CCBE1: variants seen among roughly 807,000 people sequenced by gnomAD.
CCBE1 encodes collagen and calcium-binding EGF domain-containing protein 1.
In CCBE1, 37 loss-of-function variants were observed where a neutral mutation model predicts 50.0. The observed-to-expected ratio is 0.74, with a 90% CI of 0.57 to 0.97. CCBE1 has a LOEUF of 0.97. Among genes scored for constraint, CCBE1 ranks in the 50% least tolerant of loss-of-function variants. The pLI is 0.00. For synonymous variants in CCBE1, 234 were observed against 203.7 expected (o/e 1.15, Z -1.27); for missense variants, 538 against 523.8 (o/e 1.03, Z -0.26).
intron 2 of CCBE1, among the ~76,000 whole-genome samples, chr18:59,687,033 G>A (rs2054664064): frequency 1.3e-5 from 2 of 152,192 alleles, no homozygotes; most frequent in Non-Finnish European, 2.9e-5. Context: ...GTCTAAGTGG[G>A]TTCCCAGGAA....
chr18:59,636,873 T>C (rs1265548091), intron 2 of CCBE1, among the ~76,000 whole-genome samples: 4 of 152,232 alleles, frequency 2.6e-5, no homozygotes, highest in East Asian at 1.9e-4. Context: ...ATTAAAATAC[T>C]GGATGACGAT....
intron 2 of CCBE1, among the ~76,000 whole-genome samples, chr18:59,669,197 G>T (rs905084704): frequency 2.6e-5 from 4 of 152,036 alleles, no homozygotes; most frequent in African/African-American, 9.7e-5. Flanking sequence ...TTCCAATATG[G>T]TATCACCAGT....
chr18:59,540,932 A>C (rs577345966), intron 2 of CCBE1, among the ~76,000 whole-genome samples: 21 of 152,338 alleles, frequency 1.4e-4, no homozygotes, highest in African/African-American at 5.1e-4. Flanking sequence ...CTTTAGAAGA[A>C]AGTAGTTGGG....
At chr18:59,691,181 T>G (rs1027028144) in intron 2 of CCBE1, among the ~76,000 whole-genome samples, 2 of 152,234 alleles carry the variant, frequency 1.3e-5, no homozygotes, top group Non-Finnish European at 2.9e-5. Context: ...TCAGCAAATA[T>G]GTATTGAACA....
intron 2 of CCBE1, among the ~76,000 whole-genome samples, chr18:59,666,451 G>A (rs1447260109): frequency 6.6e-6 from 1 of 152,126 alleles, no homozygotes; most frequent in Non-Finnish European, 1.5e-5. Flanking sequence ...AGGAGCAAAT[G>A]ACATTCTACA....
chr18:59,505,790 G>C (rs1913843994), intron 2 of CCBE1, among the ~76,000 whole-genome samples: 1 of 152,210 alleles, frequency 6.6e-6, no homozygotes, highest in South Asian at 2.1e-4. Context: ...GATAAGATAA[G>C]TTCATGCTTA....
chr18:59,531,491 T>C lies in CCBE1; in HGVS notation c.213-51253A>G, dbSNP rs372878233. Among the ~76,000 whole-genome samples, 8 of 152,298 alleles carry C rather than the reference T, an allele frequency of 5.3e-5. No homozygotes were observed. The South Asian group carries it at 6.2e-4, about 12-fold the overall frequency. ...AAAATTATGAGACACCTACTATGAA[T>C]TTCAGAAGCACTTTGGGAGGCTGAG... is the stretch of plus-strand genomic sequence containing the variant. On this transcript the variant is annotated intron_variant, in intron 2 of 10. Transcript: ENST00000439986.
At chr18:59,524,278 C>T (rs1254858799) in intron 2 of CCBE1, among the ~76,000 whole-genome samples, 1 of 152,152 alleles carries the variant, frequency 6.6e-6, no homozygotes, top group Non-Finnish European at 1.5e-5. Context: ...CAAGATTGCG[C>T]CACTGCACTA....
At chr18:59,464,003 G>C (rs1021228317) in intron 5 of CCBE1, 1 of 152,184 alleles carries the variant, frequency 6.6e-6, no homozygotes, top group Non-Finnish European at 1.5e-5. Context: ...TAGATCAGTG[G>C]CTAAATAGCT....
intron 2 of CCBE1, among the ~76,000 whole-genome samples, chr18:59,544,748 T>C (rs938555046): frequency 2.6e-5 from 4 of 152,196 alleles, no homozygotes; most frequent in East Asian, 3.9e-4. Flanking sequence ...AAAGGGCTGG[T>C]TCAGACTTAT....
intron 2 of CCBE1, among the ~76,000 whole-genome samples, chr18:59,685,022 T>C (rs1197181570): frequency 1.3e-5 from 2 of 152,198 alleles, no homozygotes; most frequent in Non-Finnish European, 2.9e-5. Context: ...ATGTGTTTGA[T>C]ACTCACAAGG....
intron 2 of CCBE1, among the ~76,000 whole-genome samples, chr18:59,654,697 CAGA>C (rs1193396937): frequency 6.7e-6 from 1 of 148,272 alleles, no homozygotes; most frequent in Admixed American, 6.9e-5. Context: ...GAGGCTGAGG[CAGA>C]AGAATTGCTT....
At chr18:59,495,356 G>A (rs1913299737) in intron 2 of CCBE1, among the ~76,000 whole-genome samples, 1 of 151,148 alleles carries the variant, frequency 6.6e-6, no homozygotes, top group Non-Finnish European at 1.5e-5. Flanking sequence ...GAGAATTCTT[G>A]AGCAAGGGGA....
intron 2 of CCBE1, among the ~76,000 whole-genome samples, chr18:59,680,140 G>C (rs1403128002): frequency 2.6e-5 from 4 of 151,922 alleles, no homozygotes; most frequent in African/African-American, 9.7e-5. Context: ...AGAGTCACTT[G>C]AGCTCAGGAG....
At chr18:59,552,237 AC>A (rs1161574939) in intron 2 of CCBE1, among the ~76,000 whole-genome samples, 1 of 152,114 alleles carries the variant, frequency 6.6e-6, no homozygotes, top group African/African-American at 2.4e-5. Flanking sequence ...GGCACATTCT[AC>A]CAGTCAATGA....
intron 2 of CCBE1, among the ~76,000 whole-genome samples, chr18:59,611,234 C>T (rs1019788585): frequency 2.0e-5 from 3 of 152,226 alleles, no homozygotes; most frequent in Non-Finnish European, 4.4e-5. Flanking sequence ...TCTTCCCTTG[C>T]TTCCGAGTAA....
At position 59,439,677 on chromosome 18, in the gene CCBE1, C is replaced by T. The variant is rs1428840066; in HGVS notation, c.915G>A (p.Val305=). Residue 305 remains valine, a splice_region_variant and synonymous_variant, in exon 8 of 11, where the codon GTG becomes GTA. Coordinates refer to ENST00000439986, the MANE Select transcript of CCBE1 (RefSeq NM_133459.4). ...AGTGGATCTCTGATAAGATACTGACCACAGGGCCCCTCCGGCCTTGCTTAA... is the reference window on the plus strand; with the variant it reads ...AGTGGATCTCTGATAAGATACTGACTACAGGGCCCCTCCGGCCTTGCTTAA... ...SHIKQGRRGP[V]GPPGAPGRDG... The T allele has an allele frequency of 6.2e-7, 1 of 1,614,036 alleles. No individual in the cohort carries two copies. The highest frequency in any genetic ancestry group is 8.5e-7 in the Non-Finnish European group (1 of 1,180,024).
rs1484103640 is a variant in CCBE1, at chr18:59,525,625, G to A, written c.213-45387C>T. 3.3e-5 allele frequency among the ~76,000 whole-genome samples: 5 copies of A among 152,306 alleles called. No individual in the cohort carries two copies. In the East Asian group the frequency reaches 9.6e-4, roughly 29 times the overall value. ...ATCCCATTTGTCAATTTTTGCTTCTGTTGCAGATGCTTTTGACATTTTTGT... is the reference window on the plus strand; with the variant it reads ...ATCCCATTTGTCAATTTTTGCTTCTATTGCAGATGCTTTTGACATTTTTGT... On this transcript the variant is annotated intron_variant, in intron 2 of 10. Transcript: ENST00000439986.
At chr18:59,608,745 G>A (rs1295214511) in intron 2 of CCBE1, among the ~76,000 whole-genome samples, 1 of 152,138 alleles carries the variant, frequency 6.6e-6, no homozygotes, top group East Asian at 1.9e-4. Flanking sequence ...TCTACACGGA[G>A]TCTTTCCCTT....
Sources: gnomAD v4.1 joint callset for allele counts (sites outside exome capture counted in the v4.1 genomes callset) on GRCh38, gnomAD v4.1.1 for gene constraint, MANE v1.5 for transcripts, NCBI Gene and HGNC (gene_info 2026-07-23, HGNC 2026-07-21) for gene names.